RBAK: variants seen among roughly 807,000 people sequenced by gnomAD.
RBAK encodes the protein RB-associated KRAB zinc finger protein.
A neutral mutation model predicts 65.8 loss-of-function variants in RBAK; 39 were observed. That is an observed-to-expected ratio of 0.59 (90% CI 0.46 to 0.77). The LOEUF (loss-of-function observed/expected upper bound fraction) is 0.77, where lower values mean the gene tolerates loss of function less well. RBAK is among the 30% of genes least tolerant of loss of function. The pLI, the probability that RBAK is intolerant of heterozygous loss-of-function variation, is 0.00. For synonymous variants in RBAK, 343 were observed against 289.7 expected (o/e 1.18, Z -1.87); for missense variants, 884 against 855.1 (o/e 1.03, Z -0.42).
intron 3 of RBAK, 59 bp downstream of exon 3, chr7:5,057,480 G>T (rs1778957758): frequency 1.2e-6 from 2 of 1,613,784 alleles, no homozygotes; most frequent in East Asian, 4.5e-5. Context: ...CCTTGAGTTT[G>T]AAGAAATAAG....
rs1240072293 is a variant in RBAK, at chr7:5,046,201, G to C, written c.-240G>C. The C allele has an allele frequency of 8.3e-6, 4 of 484,764 alleles. No homozygotes were observed. Among genetic ancestry groups the C allele is most frequent in the Non-Finnish European group, 1.2e-5 (3 of 244,546 alleles). The allele number at this position is 484,764 out of a possible 1,614,324, so 30.0% of individuals were successfully genotyped here. The stretch of plus-strand genomic sequence containing the variant: ...CAGGCTGCCGCTGTACGGTGAGCCC[G>C]AGGGAGGCGGATCTGGGTCCCGGGA... On this transcript the variant is annotated 5_prime_UTR_variant, in exon 1 of 5. Transcript: ENST00000396912.
At chr7:5,049,429 G>T (rs184613059) in intron 2 of RBAK, among the ~76,000 whole-genome samples, 3 of 152,184 alleles carry the variant, frequency 2.0e-5, no homozygotes, top group African/African-American at 4.8e-5. Flanking sequence ...TTACTCTCTT[G>T]TGAAGATTTC....
chr7:5,066,465 C>T lies in RBAK; in HGVS notation c.*864C>T, dbSNP rs1779220731. 6.6e-6 allele frequency: 1 copy of T among 152,110 alleles called. No individual in the cohort carries two copies. The highest frequency in any genetic ancestry group is 2.4e-5 in the African/African-American group (1 of 41,428). 9.4% of individuals were successfully genotyped at this position (152,110 alleles called of 1,614,324 possible). A position where few individuals can be genotyped will look rare whatever the true frequency, so the allele number is the denominator to read the frequency against. ...GTCTATTTCAGTGAAAGAGAACAAG[C>T]ATACTGCCCATACTCTAAAATATCC... is the stretch of plus-strand genomic sequence containing the variant. On this transcript the variant is annotated 3_prime_UTR_variant, in exon 5 of 5. Transcript: ENST00000396912.
intron 1 of RBAK, among the ~76,000 whole-genome samples, chr7:5,047,161 G>C (rs1788006550): frequency 6.6e-6 from 1 of 152,138 alleles, no homozygotes; most frequent in South Asian, 2.1e-4. Flanking sequence ...CACTTTGCGG[G>C]GGCTAAGGCA....
In RBAK at chr7:5,064,021, C is replaced by T; in HGVS notation, c.565C>T (p.His189Tyr). Residue 189 changes from histidine (H) to tyrosine (Y), a missense_variant, in exon 5 of 5, where the codon CAC becomes TAC. By Grantham distance (83) the His-to-Tyr change is moderately conservative (BLOSUM62 2). Coordinates refer to ENST00000396912, the MANE Select transcript of RBAK (RefSeq NM_021163.4). This position sits in a 1 kb window ranked among gnomAD's most constrained non-coding sequence, Gnocchi z 6.3. ...TAATCAAAATGGGGATACCTATTCT[C>T]ACAATGAAGAAAATATTCTTCAGAA... ...EFNQNGDTYS[H>Y]NEENILQKIS... The T allele has an allele frequency of 6.2e-7, 1 of 1,613,230 alleles. No individual in the cohort carries two copies. The highest frequency in any genetic ancestry group is 8.5e-7 in the Non-Finnish European group (1 of 1,179,758).
At chr7:5,062,014 C>T (rs762870770) in intron 4 of RBAK, among the ~76,000 whole-genome samples, 35 of 152,112 alleles carry the variant, frequency 2.3e-4, no homozygotes, top group Admixed American at 1.3e-4. Context: ...GTGAGGAAAT[C>T]AAAGCATTCA....
chr7:5,064,936 T>C lies in RBAK; in HGVS notation c.1480T>C (p.Ser494Pro), dbSNP rs758212171. 9 of 1,614,016 alleles carry C rather than the reference T, an allele frequency of 5.6e-6. No individual in the cohort carries two copies. The Admixed American group carries it at 8.3e-5, about 15-fold the overall frequency. The change falls in exon 5 of 5, where the codon TCT (serine) becomes CCT (proline). Residue 494 changes from serine to proline, a missense_variant. Coordinates refer to ENST00000396912, the MANE Select transcript of RBAK (RefSeq NM_021163.4). This position sits in a 1 kb window ranked among gnomAD's most constrained non-coding sequence, Gnocchi z 6.3. Reference protein sequence around the residue: ...SHECSECGKFSQLYLTDHHTA... With the variant: ...SHECSECGKFPQLYLTDHHTA... The stretch of plus-strand genomic sequence containing the variant: ...TGAATGTAGTGAATGTGGAAAGTTC[T>C]CTCAGTTGTATCTCACCGACCATCA...
chr7:5,065,357 G>T lies in RBAK; in HGVS notation c.1901G>T (p.Arg634Leu). Residue 634 changes from arginine (R) to leucine (L), a missense_variant, in exon 5 of 5, where the codon CGG (arginine) becomes CTG (leucine). Physicochemically the swap from Arg to Leu is moderately radical, Grantham distance 102. Coordinates refer to ENST00000396912, the MANE Select transcript of RBAK (RefSeq NM_021163.4). The surrounding 1 kb of genome is among the most constrained non-coding windows in gnomAD (Gnocchi z 5.3). ...ECSKCGKVFS[R>L]MSNLTVHYRS... ...AGTAAATGTGGAAAAGTCTTCTCTC[G>T]GATGTCAAACCTCACTGTCCACTAC... 6.2e-7 allele frequency: 1 copy of T among 1,612,476 alleles called. No individual in the cohort carries two copies. Among genetic ancestry groups the T allele is most frequent in the Non-Finnish European group, 8.5e-7 (1 of 1,179,442 alleles).
In RBAK at chr7:5,065,265, C is replaced by G. The variant is rs751617270; in HGVS notation, c.1809C>G (p.Phe603Leu). ...KPYECYECGK[F>L]FSQKSYLTIH... is the part of the protein sequence containing the mutation. ...ATGAATGTTACGAATGTGGAAAATT[C>G]TTCTCTCAGAAATCATATCTCACTA... is the stretch of plus-strand genomic sequence containing the variant. Residue 603 changes from phenylalanine to leucine, a missense_variant, in exon 5 of 5, where the codon TTC (phenylalanine) becomes TTG (leucine). Transcript: ENST00000396912. The surrounding 1 kb of genome is among the most constrained non-coding windows in gnomAD (Gnocchi z 5.3). 6 of 1,613,822 alleles carry G rather than the reference C, an allele frequency of 3.7e-6. No individual in the cohort carries two copies. Among genetic ancestry groups the G allele is most frequent in the Admixed American group, 3.3e-5 (2 of 59,988 alleles).
At chr7:5,061,036 A>C (rs1398631918) in intron 4 of RBAK, among the ~76,000 whole-genome samples, 2 of 152,274 alleles carry the variant, frequency 1.3e-5, no homozygotes, top group African/African-American at 4.8e-5. Flanking sequence ...ATTCAGAATT[A>C]AGTAAAAGAA....
At chr7:5,056,459 G>A (rs546605263) in intron 2 of RBAK, among the ~76,000 whole-genome samples, 4 of 151,284 alleles carry the variant, frequency 2.6e-5, no homozygotes, top group African/African-American at 7.4e-5. Flanking sequence ...TTTGCCATTG[G>A]TACTTTGTAC....
In RBAK at chr7:5,069,429, A is replaced by G. The variant is rs1779302367; in HGVS notation, c.*3828A>G. ...ATCCTATACTTTTGCATATATAAATAGGTCTGAGCTGCCTCTTCAATAAAG... is the reference window on the plus strand; with the variant it reads ...ATCCTATACTTTTGCATATATAAATGGGTCTGAGCTGCCTCTTCAATAAAG... On this transcript the variant is annotated 3_prime_UTR_variant, in exon 5 of 5. Coordinates refer to ENST00000396912, the MANE Select transcript of RBAK (RefSeq NM_021163.4). 1.3e-5 allele frequency: 2 copies of G among 152,240 alleles called. 1 individual carries two copies. Among genetic ancestry groups the G allele is most frequent in the South Asian group, 4.1e-4 (2 of 4,828 alleles). 9.4% of individuals were successfully genotyped at this position (152,240 alleles called of 1,614,324 possible).
intron 2 of RBAK, 193 bp from the exon 3 acceptor site, chr7:5,057,101 TA>T (rs1778937695): frequency 4.9e-6 from 1 of 203,308 alleles, no homozygotes; most frequent in Non-Finnish European, 8.9e-6. Context: ...TATATTTATA[TA>T]TATTATATAT....
chr7:5,065,299 C>A lies in RBAK; in HGVS notation c.1843C>A (p.Arg615=). Residue 615 remains arginine (R), a synonymous_variant, in exon 5 of 5, where the codon CGA becomes AGA. Transcript: ENST00000396912. The surrounding 1 kb of genome is among the most constrained non-coding windows in gnomAD (Gnocchi z 5.3). Reference sequence around the variant, plus strand: ...GAAATCATATCTCACTATACATCATCGAATTCATTCAGGAGAGAAACCCTA... The same window carrying A: ...GAAATCATATCTCACTATACATCATAGAATTCATTCAGGAGAGAAACCCTA... The part of the protein sequence containing the change: ...SQKSYLTIHH[R]IHSGEKPYEC... The A allele has an allele frequency of 6.2e-7, 1 of 1,611,922 alleles. No individual in the cohort carries two copies. Among genetic ancestry groups the A allele is most frequent in the East Asian group, 2.2e-5 (1 of 44,778 alleles).
chr7:5,052,841 C>T (rs1311833976), intron 2 of RBAK, among the ~76,000 whole-genome samples: 2 of 152,120 alleles, frequency 1.3e-5, no homozygotes, highest in African/African-American at 2.4e-5. Context: ...CTCACTGCAA[C>T]CTCTGCCTCC....
chr7:5,062,958 A>G (rs905986767), intron 4 of RBAK, among the ~76,000 whole-genome samples: 3 of 152,178 alleles, frequency 2.0e-5, no homozygotes, highest in African/African-American at 7.2e-5. Context: ...CCCAGATTTC[A>G]TATTGTTCAA....
intron 4 of RBAK, among the ~76,000 whole-genome samples, chr7:5,060,508 C>G (rs940066956): frequency 1.3e-5 from 2 of 152,208 alleles, no homozygotes; most frequent in African/African-American, 4.8e-5. Flanking sequence ...GCACATTGTG[C>G]AACTTTAAGA....
At position 5,057,470 on chromosome 7, in the gene RBAK, C is replaced by A. The variant is rs752398278; in HGVS notation, c.142+49C>A. The A allele has an allele frequency of 3.7e-6, 6 of 1,613,884 alleles. No homozygotes were observed. In the South Asian group the frequency reaches 6.6e-5, roughly 18 times the overall value. ...TGCTCTCAGTTGAATGGGGTTTTAT[C>A]CTTGAGTTTGAAGAAATAAGTGATG... On this transcript the variant is annotated intron_variant, in intron 3 of 4. Coordinates refer to ENST00000396912, the MANE Select transcript of RBAK (RefSeq NM_021163.4).
chr7:5,056,164 G>A (rs1290020519), intron 2 of RBAK, among the ~76,000 whole-genome samples: 2 of 145,632 alleles, frequency 1.4e-5, no homozygotes, highest in African/African-American at 2.6e-5. Flanking sequence ...CTGGAGTGCA[G>A]TGTTGCATTC....
Sources: gnomAD v4.1 joint callset for allele counts (sites outside exome capture counted in the v4.1 genomes callset) on GRCh38, gnomAD v4.1.1 for gene constraint, Gnocchi (gnomAD v3.1) non-coding constraint, MANE v1.5 for transcripts, NCBI Gene and HGNC (gene_info 2026-07-23, HGNC 2026-07-21) for gene names.